Variants in LCK observed in about 807,000 individuals in gnomAD.
The protein encoded by LCK is tyrosine-protein kinase Lck.
In LCK, 14 loss-of-function variants were observed where a neutral mutation model predicts 64.6. That is an observed-to-expected ratio of 0.22 (90% CI 0.14 to 0.34). LCK has a LOEUF of 0.34. Ranked by LOEUF, LCK falls within the 10% of genes least tolerant of loss-of-function variation. The pLI is 1.00. For missense variants in LCK, 434 were observed against 668.1 expected (o/e 0.65, Z 3.86); for synonymous variants, 277 against 263.6 (o/e 1.05, Z -0.49).
intron 1 of LCK, among the ~76,000 whole-genome samples, chr1:32,253,981 C>G (rs1181596560): frequency 6.6e-6 from 1 of 152,128 alleles, no homozygotes; most frequent in East Asian, 1.9e-4. Flanking sequence ...TAACTCCATG[C>G]ACACACCCAC....
chr1:32,276,884 G>A lies in LCK; in HGVS notation c.964+98G>A. ...CCTTTTCTTCTGGCCCAAAGCTCAAGCAAGGAGGGTTTCTTGAGCTTTCCT... is the reference window on the plus strand; with the variant it reads ...CCTTTTCTTCTGGCCCAAAGCTCAAACAAGGAGGGTTTCTTGAGCTTTCCT... On this transcript the variant is annotated intron_variant, in intron 9 of 12. Transcript: ENST00000336890. This position sits in a 1 kb window ranked among gnomAD's most constrained non-coding sequence, Gnocchi z 4.6. 1.6e-6 allele frequency: 2 copies of A among 1,280,278 alleles called. No homozygotes were observed. The highest frequency in any genetic ancestry group is 3.2e-5 in the South Asian group (2 of 62,946). 79.3% of individuals were successfully genotyped at this position (1,280,278 alleles called of 1,614,324 possible). A position where few individuals can be genotyped will look rare whatever the true frequency, so the allele number is the denominator to read the frequency against.
intron 1 of LCK, among the ~76,000 whole-genome samples, chr1:32,272,459 C>T (rs1221656020): frequency 6.6e-6 from 1 of 151,846 alleles, no homozygotes; most frequent in East Asian, 1.9e-4. Context: ...ATGGTGTGCA[C>T]CTTTAGTCTC....
intron 1 of LCK, among the ~76,000 whole-genome samples, chr1:32,262,293 G>T (rs1331392600): frequency 7.2e-6 from 1 of 138,052 alleles, no homozygotes; most frequent in African/African-American, 2.6e-5. Flanking sequence ...TTGAGGACTG[G>T]ATTTTGAGAC....
intron 1 of LCK, among the ~76,000 whole-genome samples, chr1:32,272,685 A>G (rs1353609739): frequency 1.3e-5 from 2 of 151,518 alleles, no homozygotes. Context: ...AGGGAGAACC[A>G]CAAGTACAAA....
In LCK at chr1:32,275,477, G is replaced by A; in HGVS notation, c.377+58G>A. The stretch of plus-strand genomic sequence containing the variant: ...AGCAGATCTAGGGATCCTGGAGCAG[G>A]GAGTAGGCCTGGGGTGGCGGTGAAG... On this transcript the variant is annotated intron_variant, in intron 5 of 12. Coordinates refer to ENST00000336890, the MANE Select transcript of LCK (RefSeq NM_005356.5). This position sits in a 1 kb window ranked among gnomAD's most constrained non-coding sequence, Gnocchi z 6.9. 2 of 1,588,938 alleles carry A rather than the reference G, an allele frequency of 1.3e-6. No homozygotes were observed. The highest frequency in any genetic ancestry group is 2.2e-5 in the South Asian group (2 of 89,538).
intron 1 of LCK, among the ~76,000 whole-genome samples, chr1:32,255,129 C>T (rs1025753220): frequency 9.9e-5 from 15 of 152,266 alleles, no homozygotes; most frequent in Admixed American, 7.2e-4. Context: ...CAGATTTTCC[C>T]ATGTATGGCT....
intron 1 of LCK, among the ~76,000 whole-genome samples, chr1:32,271,653 C>T (rs963630390): frequency 2.0e-5 from 3 of 152,194 alleles, no homozygotes; most frequent in African/African-American, 7.2e-5. Context: ...AAGAGAGTGA[C>T]ACTTTATCTC....
chr1:32,259,398 T>C (rs1639710744), intron 1 of LCK, among the ~76,000 whole-genome samples: 1 of 151,226 alleles, frequency 6.6e-6, no homozygotes, highest in South Asian at 2.1e-4. Flanking sequence ...TGCAGGCAGA[T>C]CACTTGAGGC....
At chr1:32,269,449 T>G (rs1640019318) in intron 1 of LCK, 1 of 151,372 alleles carries the variant, frequency 6.6e-6, no homozygotes, top group African/African-American at 2.4e-5. Flanking sequence ...TTTTTTTTCT[T>G]TTGAGATGGT....
At chr1:32,269,742 TAAAAAAA>T (rs2124338130) in intron 1 of LCK, 1 of 151,662 alleles carries the variant, frequency 6.6e-6, no homozygotes, top group African/African-American at 2.4e-5. Flanking sequence ...GAGACTCTAT[TAAAAAAA>T]GAAAAAAGAA....
intron 1 of LCK, among the ~76,000 whole-genome samples, chr1:32,261,952 GA>G (rs934560000): frequency 0.14 from 5,672 of 40,178 alleles, 202 homozygotes; most frequent in African/African-American, 0.25. Flanking sequence ...GACTCTGTCA[GA>G]AAAAAAAAAA....
intron 1 of LCK, among the ~76,000 whole-genome samples, chr1:32,257,566 G>C (rs983665628): frequency 3.9e-5 from 6 of 152,056 alleles, no homozygotes; most frequent in Admixed American, 3.9e-4. Context: ...CCTTCTGCCA[G>C]CAAGTGATTG....
At position 32,276,467 on chromosome 1, in the gene LCK, A is replaced by G. The variant is rs775148402; in HGVS notation, c.762A>G (p.Gly254=). Residue 254 remains glycine (G), a synonymous_variant, in exon 8 of 13, where the codon GGA becomes GGG. Coordinates refer to ENST00000336890, the MANE Select transcript of LCK (RefSeq NM_005356.5). The surrounding 1 kb of genome is among the most constrained non-coding windows in gnomAD (Gnocchi z 4.6). Reference sequence around the variant, plus strand: ...AGCTGGTGGAGCGGCTGGGGGCTGGACAGTTCGGGGAGGTGTGGATGGGTG... The same window carrying G: ...AGCTGGTGGAGCGGCTGGGGGCTGGGCAGTTCGGGGAGGTGTGGATGGGTG... The part of the protein sequence containing the change: ...TLKLVERLGA[G]QFGEVWMGYY... 2 of 1,611,678 alleles carry G rather than the reference A, an allele frequency of 1.2e-6. No individual in the cohort carries two copies. The highest frequency in any genetic ancestry group is 1.3e-5 in the African/African-American group (1 of 74,858).
rs113801582 is a variant in LCK at position 32,262,701 on chromosome 1, G to A, written c.-6+11330G>A. Reference sequence around the variant, plus strand: ...AGCCTCCCAAAGTGCTGGGATTACAGGCGTGAGTCACCATGCCCAGACTCC... The same window carrying A: ...AGCCTCCCAAAGTGCTGGGATTACAAGCGTGAGTCACCATGCCCAGACTCC... On this transcript the variant is annotated intron_variant, in intron 1 of 12. Transcript: ENST00000336890. Among the ~76,000 whole-genome samples, 187 of 151,938 alleles carry A rather than the reference G, an allele frequency of 1.2e-3. 1 individual carries two copies. Among genetic ancestry groups the A allele is most frequent in the African/African-American group, 4.3e-3 (177 of 41,496 alleles).
intron 12 of LCK, among the ~76,000 whole-genome samples, chr1:32,283,713 T>C (rs1267030751): frequency 6.6e-6 from 1 of 152,094 alleles, no homozygotes; most frequent in Non-Finnish European, 1.5e-5. Context: ...AGGTCTGCTT[T>C]GCTAGGCCCA....
chr1:32,286,024 T>G lies in LCK; in HGVS notation c.*308T>G. On this transcript the variant is annotated 3_prime_UTR_variant, in exon 13 of 13. Transcript: ENST00000336890. ...GAAGCCTGGGATTGACAGAAGCTTC[T>G]GCCCACCTACTTTTCTTTCCTCAGA... is the stretch of plus-strand genomic sequence containing the variant. The G allele has an allele frequency of 4.7e-6, 2 of 426,300 alleles. No homozygotes were observed. Among genetic ancestry groups the G allele is most frequent in the Non-Finnish European group, 4.3e-6 (1 of 231,988 alleles). The allele number at this position is 426,300 out of a possible 1,614,324, so 26.4% of individuals were successfully genotyped here.
Position 32,275,779 on chromosome 1 carries a change from C to G in LCK, c.481+107C>G. On this transcript the variant is annotated intron_variant, in intron 6 of 12. Coordinates refer to ENST00000336890, the MANE Select transcript of LCK (RefSeq NM_005356.5). This position sits in a 1 kb window ranked among gnomAD's most constrained non-coding sequence, Gnocchi z 6.9. ...AGACACGGGGTGAGTCGGAGGGGGA[C>G]GCGGGATGAGCCCGAGGTGGGGGCG... The G allele has an allele frequency of 7.3e-7, 1 of 1,372,522 alleles. No homozygotes were observed. Among genetic ancestry groups the G allele is most frequent in the Non-Finnish European group, 9.8e-7 (1 of 1,017,772 alleles). 85.0% of individuals were successfully genotyped at this position (1,372,522 alleles called of 1,614,324 possible). A position where few individuals can be genotyped will look rare whatever the true frequency, so the allele number is the denominator to read the frequency against.
intron 1 of LCK, among the ~76,000 whole-genome samples, chr1:32,273,128 G>A (rs1451642076): frequency 7.6e-6 from 1 of 132,040 alleles, no homozygotes; most frequent in Non-Finnish European, 1.6e-5. Context: ...ACGTGTGTGA[G>A]AGTGGGTGCC....
At position 32,274,767 on chromosome 1, in the gene LCK, G is replaced by A; in HGVS notation, c.136G>A (p.Asp46Asn). ...CATCCGAAATGGCTCTGAGGTGCGGGACCCACTGGTTACCTACGAAGGCTC... is the reference window on the plus strand; with the variant it reads ...CATCCGAAATGGCTCTGAGGTGCGGAACCCACTGGTTACCTACGAAGGCTC... ...LLIRNGSEVR[D>N]PLVTYEGSNP... Residue 46 changes from aspartate (D) to asparagine (N), a missense_variant, in exon 3 of 13, where the codon GAC becomes AAC. This residue lies in a region of LCK where 233 missense variants were observed against 291.2 expected (regional missense o/e 0.80). Coordinates refer to ENST00000336890, the MANE Select transcript of LCK (RefSeq NM_005356.5). The A allele has an allele frequency of 6.2e-7, 1 of 1,608,562 alleles. No individual in the cohort carries two copies. Among genetic ancestry groups the A allele is most frequent in the Non-Finnish European group, 8.5e-7 (1 of 1,176,730 alleles).
Sources: gnomAD v4.1 joint callset for allele counts (sites outside exome capture counted in the v4.1 genomes callset) on GRCh38, gnomAD v4.1.1 for gene constraint, gnomAD v4.1.1 regional missense constraint, Gnocchi (gnomAD v3.1) non-coding constraint, MANE v1.5 for transcripts, NCBI Gene and HGNC (gene_info 2026-07-23, HGNC 2026-07-21) for gene names.